Variants in ZDHHC21 observed in about 807,000 individuals in gnomAD.
ZDHHC21 encodes the protein zDHHC palmitoyltransferase 21.
A neutral mutation model predicts 34.6 loss-of-function variants in ZDHHC21; 15 were observed. The ratio of observed to expected loss-of-function variants is 0.43; its 90% CI spans 0.29 to 0.67. ZDHHC21 has a LOEUF of 0.67. Ranked by LOEUF, ZDHHC21 falls within the 30% of genes least tolerant of loss-of-function variation. The pLI is 0.14. For synonymous variants in ZDHHC21, 142 were observed against 101.8 expected (o/e 1.40, Z -2.38); for missense variants, 344 against 327.7 (o/e 1.05, Z -0.38).
intron 2 of ZDHHC21, among the ~76,000 whole-genome samples, chr9:14,680,503 T>G (rs914788324): frequency 2.0e-5 from 3 of 152,184 alleles, no homozygotes. Context: ...TAGATTCTGG[T>G]AGAAGAATCT....
chr9:14,668,533 C>T (rs1231527166), intron 5 of ZDHHC21, among the ~76,000 whole-genome samples: 9 of 140,466 alleles, frequency 6.4e-5, no homozygotes, highest in East Asian at 6.4e-4. Context: ...AAAAAGAGCC[C>T]GCATTGCCAA....
chr9:14,675,796 G>A (rs1836269419), intron 3 of ZDHHC21, among the ~76,000 whole-genome samples: 1 of 151,918 alleles, frequency 6.6e-6, no homozygotes, highest in South Asian at 2.1e-4. Context: ...AGTTAAACGA[G>A]GAATCAAGTA....
chr9:14,659,163 T>C (rs1172463532), intron 6 of ZDHHC21, among the ~76,000 whole-genome samples: 1 of 152,158 alleles, frequency 6.6e-6, no homozygotes, highest in Non-Finnish European at 1.5e-5. Flanking sequence ...TAGTCTCCTG[T>C]GTCACTGATA....
chr9:14,677,242 G>C (rs998664366), intron 3 of ZDHHC21: 1 of 151,728 alleles, frequency 6.6e-6, no homozygotes, highest in African/African-American at 2.4e-5. Context: ...AGTGAGCACA[G>C]GATAGAAAAA....
At chr9:14,643,253 A>AT (rs1554765853) in intron 7 of ZDHHC21, among the ~76,000 whole-genome samples, 10 of 151,734 alleles carry the variant, frequency 6.6e-5, no homozygotes, top group Non-Finnish European at 1.0e-4. Context: ...GTCTCAAAAA[A>AT]ATATATATAT....
rs538788353 is a variant in ZDHHC21 at position 14,611,760 on chromosome 9, G to C, written c.*7206C>G. 1 of 151,956 alleles carries C rather than the reference G, an allele frequency of 6.6e-6. No homozygotes were observed. The highest frequency in any genetic ancestry group is 2.4e-5 in the African/African-American group (1 of 41,404). The allele number at this position is 151,956 out of a possible 1,614,324, so 9.4% of individuals were successfully genotyped here. A position where few individuals can be genotyped will look rare whatever the true frequency, so the allele number is the denominator to read the frequency against. ...AGTGAGCTCATACAGCATGATCCAC[G>C]TGTGCTCTGTCCTTGCAAGAGCCTA... On this transcript the variant is annotated 3_prime_UTR_variant, in exon 10 of 10. Transcript: ENST00000380916.
At chr9:14,691,709 AG>A (rs1456525580) in intron 1 of ZDHHC21, among the ~76,000 whole-genome samples, 1 of 152,202 alleles carries the variant, frequency 6.6e-6, no homozygotes, top group Non-Finnish European at 1.5e-5. Flanking sequence ...CAGAAATCTC[AG>A]TAGTGTCAAA....
chr9:14,646,240 C>T (rs1830260974), intron 7 of ZDHHC21, among the ~76,000 whole-genome samples: 1 of 151,980 alleles, frequency 6.6e-6, no homozygotes, highest in South Asian at 2.1e-4. Context: ...TCTAAAGTAA[C>T]AAAAAGGATA....
chr9:14,595,699 G>A, the ZDHHC21 span, among the ~76,000 whole-genome samples: 1 of 152,146 alleles, frequency 6.6e-6, no homozygotes, highest in Non-Finnish European at 1.5e-5. Flanking sequence ...TTTTGACTCA[G>A]TAAGAAGACA....
intron 8 of ZDHHC21, among the ~76,000 whole-genome samples, chr9:14,631,030 A>G (rs1233033255): frequency 1.3e-5 from 2 of 152,200 alleles, no homozygotes; most frequent in African/African-American, 4.8e-5. Flanking sequence ...ATTTAACCGT[A>G]ACAAGAGAGT....
chr9:14,605,364 C>G, the ZDHHC21 span, among the ~76,000 whole-genome samples: 1 of 152,094 alleles, frequency 6.6e-6, no homozygotes, highest in Non-Finnish European at 1.5e-5. Context: ...CTCACCAACA[C>G]TATTTTTTTC....
At chr9:14,591,402 G>A in the ZDHHC21 span, among the ~76,000 whole-genome samples, 1 of 152,074 alleles carries the variant, frequency 6.6e-6, no homozygotes, top group Non-Finnish European at 1.5e-5. Context: ...CACTGAGAAT[G>A]CAACAAGAAG....
At chr9:14,629,111 T>C (rs1297958094) in intron 8 of ZDHHC21, among the ~76,000 whole-genome samples, 1 of 152,220 alleles carries the variant, frequency 6.6e-6, no homozygotes, top group Non-Finnish European at 1.5e-5. Flanking sequence ...ATCCTCTCTC[T>C]TGCTTTCTCT....
At chr9:14,647,827 T>A (rs1830533014) in intron 7 of ZDHHC21, among the ~76,000 whole-genome samples, 1 of 152,136 alleles carries the variant, frequency 6.6e-6, no homozygotes, top group Non-Finnish European at 1.5e-5. Context: ...TCTTTTCTAT[T>A]TCGAATTACT....
intron 3 of ZDHHC21, among the ~76,000 whole-genome samples, chr9:14,677,197 G>A (rs1247395281): frequency 6.6e-6 from 1 of 151,928 alleles, no homozygotes; most frequent in African/African-American, 2.4e-5. Flanking sequence ...ATACATAGAT[G>A]ACACTCTCTA....
the ZDHHC21 span, chr9:14,589,046 T>G: frequency 1.3e-5 from 2 of 150,366 alleles, no homozygotes; most frequent in Non-Finnish European, 3.0e-5. Context: ...AAAAAAAAAA[T>G]TATGGCTCAT....
rs114295430 is a variant in ZDHHC21 at position 14,648,166 on chromosome 9, C to T, written c.505-8154G>A. ...CTCACAGCCCACATTCAAATTATCA[C>T]CAAATTCTGTTAGCTCTTCAAACTA... On this transcript the variant is annotated intron_variant, in intron 7 of 9. Coordinates refer to ENST00000380916, the MANE Select transcript of ZDHHC21 (RefSeq NM_178566.6). Among the ~76,000 whole-genome samples, 688 of 152,200 alleles carry T rather than the reference C, an allele frequency of 4.5e-3. 8 individuals carry two copies. Among genetic ancestry groups the T allele is most frequent in the African/African-American group, 0.016 (651 of 41,524 alleles).
intron 5 of ZDHHC21, among the ~76,000 whole-genome samples, chr9:14,664,013 G>T (rs181077780): frequency 1.3e-5 from 2 of 152,298 alleles, no homozygotes; most frequent in East Asian, 3.9e-4. Context: ...GAGCCAAGAT[G>T]GCCGAATAGG....
chr9:14,658,029 A>T (rs1832586283), intron 7 of ZDHHC21, among the ~76,000 whole-genome samples: 1 of 152,338 alleles, frequency 6.6e-6, no homozygotes, highest in East Asian at 1.9e-4. Flanking sequence ...AGCATCCTGC[A>T]AATTCATGAT....
Sources: gnomAD v4.1 joint callset for allele counts (sites outside exome capture counted in the v4.1 genomes callset) on GRCh38, gnomAD v4.1.1 for gene constraint, MANE v1.5 for transcripts, NCBI Gene and HGNC (gene_info 2026-07-23, HGNC 2026-07-21) for gene names.